IL1RAPL1: variants seen among roughly 807,000 people sequenced by gnomAD.
IL1RAPL1 encodes interleukin-1 receptor accessory protein-like 1.
A neutral mutation model predicts 48.4 loss-of-function variants in IL1RAPL1; 3 were observed. The ratio of observed to expected loss-of-function variants is 0.06; its 90% CI spans 0.03 to 0.16. The LOEUF (loss-of-function observed/expected upper bound fraction) is 0.16, where lower values mean the gene tolerates loss of function less well. Ranked by LOEUF, IL1RAPL1 falls within the 10% of genes least tolerant of loss-of-function variation. The probability of loss-of-function intolerance (pLI) is 1.00; values close to 1 mark genes in which losing one functional copy is unlikely to be tolerated. For synonymous variants in IL1RAPL1, 185 were observed against 187.7 expected, an observed-to-expected ratio of 0.99 and a Z score of 0.12; for missense variants, 349 against 530.6, an observed-to-expected ratio of 0.66 and a Z score of 3.36.
chrX:28,805,890 G>A (rs184142759), intron 2 of IL1RAPL1, among the ~76,000 whole-genome samples: 1 of 107,636 alleles, frequency 9.3e-6, no homozygotes, highest in Admixed American at 1.0e-4. Flanking sequence ...TTTTGTAATC[G>A]CTATGCTTAA....
chrX:29,340,890 C>T (rs1423239786), intron 3 of IL1RAPL1, among the ~76,000 whole-genome samples: 2 of 111,924 alleles, frequency 1.8e-5, no homozygotes, highest in Non-Finnish European at 3.8e-5. Flanking sequence ...GAGAAATGAA[C>T]ATCTAGTGCC....
At chrX:29,295,282 C>G (rs1195439307) in intron 3 of IL1RAPL1, among the ~76,000 whole-genome samples, 1 of 111,802 alleles carries the variant, frequency 8.9e-6, no homozygotes, top group Non-Finnish European at 1.9e-5. Context: ...AACTCAAGCT[C>G]TGAGAAATAA....
At chrX:29,776,245 T>C (rs759395456) in intron 6 of IL1RAPL1, among the ~76,000 whole-genome samples, 14 of 111,621 alleles carry the variant, frequency 1.3e-4, no homozygotes, top group Non-Finnish European at 1.9e-4. Context: ...TCTTGCCACA[T>C]GCACCTCCTT....
chrX:29,387,996 A>G lies in IL1RAPL1; in HGVS notation c.363-8262A>G, dbSNP rs190824120. ...CGAAAGAGCAAGACTCTGTCTGAAA[A>G]AAAAAAAAGAAAAAAAGAAATATGC... On this transcript the variant is annotated intron_variant, in intron 3 of 10. Coordinates refer to ENST00000378993, the MANE Select transcript of IL1RAPL1 (RefSeq NM_014271.4). 6.2e-3 allele frequency among the ~76,000 whole-genome samples: 671 copies of G among 108,897 alleles called. 6 individuals are homozygous for G. Among genetic ancestry groups the G allele is most frequent in the African/African-American group, 0.021 (643 of 29,911 alleles). The allele number at this position is 108,897 out of a possible 115,157, so 94.6% of individuals were successfully genotyped here.
At chrX:29,834,553 A>G (rs1930953437) in intron 6 of IL1RAPL1, among the ~76,000 whole-genome samples, 1 of 105,397 alleles carries the variant, frequency 9.5e-6, no homozygotes, top group Non-Finnish European at 2.0e-5. Context: ...CTAGTGGGAC[A>G]AAGTGGAATA....
Position 29,104,121 on chromosome X carries a change from G to T in IL1RAPL1, c.83-178817G>T, listed in dbSNP as rs1928400051. 2.7e-5 allele frequency among the ~76,000 whole-genome samples: 3 copies of T among 111,802 alleles called. No homozygotes were observed. The South Asian group carries it at 1.1e-3, about 42-fold the overall frequency. On this transcript the variant is annotated intron_variant, in intron 2 of 10. Coordinates refer to ENST00000378993, the MANE Select transcript of IL1RAPL1 (RefSeq NM_014271.4). ...TATGATCTTGCCAGCCCCCTGCAAG[G>T]TATATACCCAAAAGAAAGGAAATCA...
intron 5 of IL1RAPL1, among the ~76,000 whole-genome samples, chrX:29,501,846 T>A (rs1228435065): frequency 9.1e-6 from 1 of 109,610 alleles, no homozygotes; most frequent in Non-Finnish European, 1.9e-5. Context: ...TTTTTTCTAT[T>A]TCTGTGAAGA....
chrX:29,366,716 C>G (rs183600826), intron 3 of IL1RAPL1, among the ~76,000 whole-genome samples: 1 of 107,518 alleles, frequency 9.3e-6, no homozygotes, highest in Non-Finnish European at 1.9e-5. Context: ...CTACAGGTAC[C>G]CGGCACCACG....
chrX:29,297,760 T>G (rs1488373246), intron 3 of IL1RAPL1, among the ~76,000 whole-genome samples: 1 of 112,486 alleles, frequency 8.9e-6, no homozygotes, highest in Non-Finnish European at 1.9e-5. Context: ...TAAAAAATAA[T>G]TTATTAAAAA....
chrX:29,815,391 G>A (rs1930470393), intron 6 of IL1RAPL1, among the ~76,000 whole-genome samples: 1 of 111,021 alleles, frequency 9.0e-6, no homozygotes, highest in Admixed American at 9.6e-5. Context: ...GAATGCTATT[G>A]GTATATAGAA....
intron 6 of IL1RAPL1, among the ~76,000 whole-genome samples, chrX:29,835,898 T>TTTTTC (rs751809384): frequency 3.0e-5 from 3 of 101,625 alleles, no homozygotes; most frequent in Admixed American, 1.0e-4. Context: ...TTTTTTTTTT[T>TTTTTC]AGTTAGTTAG....
chrX:28,713,547 A>G (rs1935466106), intron 1 of IL1RAPL1, among the ~76,000 whole-genome samples: 1 of 111,308 alleles, frequency 9.0e-6, no homozygotes, highest in Non-Finnish European at 1.9e-5. Flanking sequence ...AAAGTCTTAT[A>G]TATGATGGGT....
chrX:28,876,823 T>C (rs1208997563), intron 2 of IL1RAPL1, among the ~76,000 whole-genome samples: 1 of 111,682 alleles, frequency 9.0e-6, no homozygotes, highest in African/African-American at 3.2e-5. Context: ...AAGATTTGTG[T>C]TAATTATTCT....
At chrX:28,684,403 C>G (rs1935091491) in intron 1 of IL1RAPL1, among the ~76,000 whole-genome samples, 1 of 111,706 alleles carries the variant, frequency 9.0e-6, no homozygotes, top group Admixed American at 9.5e-5. Context: ...AACTTAATTC[C>G]TTGAGACTTT....
chrX:28,951,276 A>T (rs1473299780), intron 2 of IL1RAPL1, among the ~76,000 whole-genome samples: 2 of 110,290 alleles, frequency 1.8e-5, no homozygotes, highest in Admixed American at 9.7e-5. Flanking sequence ...GTATAAAAAA[A>T]AATGTTCAAG....
chrX:29,517,464 C>G (rs1034229931), intron 5 of IL1RAPL1, among the ~76,000 whole-genome samples: 2 of 111,266 alleles, frequency 1.8e-5, no homozygotes, highest in Non-Finnish European at 3.8e-5. Context: ...GAAAACACTT[C>G]TACTTCACTG....
rs140217059 is a variant in IL1RAPL1, at chrX:29,684,586, G to A, written c.778+16082G>A. Among the ~76,000 whole-genome samples, 1,062 of 111,088 alleles carry A rather than the reference G, an allele frequency of 9.6e-3. 41 individuals carry two copies. The East Asian group carries it at 0.14, about 15-fold the overall frequency. ...CTTGAATCTGCTTCTGTTCATCTTT[G>A]CCTCCTATTTTCTCATTCCCATTTT... On this transcript the variant is annotated intron_variant, in intron 6 of 10. Transcript: ENST00000378993.
chrX:29,564,775 T>C (rs756927555), intron 5 of IL1RAPL1, among the ~76,000 whole-genome samples: 14 of 113,058 alleles, frequency 1.2e-4, no homozygotes, highest in Non-Finnish European at 2.4e-4. Flanking sequence ...TTTCCTATTG[T>C]TGTTGTTATA....
At chrX:29,491,819 A>G (rs1463496603) in intron 5 of IL1RAPL1, among the ~76,000 whole-genome samples, 1 of 111,176 alleles carries the variant, frequency 9.0e-6, no homozygotes, top group African/African-American at 3.3e-5. Flanking sequence ...CATTCTAGAT[A>G]AGTCTGTATC....
Sources: allele counts gnomAD v4.1 joint callset (sites outside exome capture counted in the v4.1 genomes callset), GRCh38; gene constraint gnomAD v4.1.1; transcripts MANE v1.5; gene names NCBI Gene and HGNC (gene_info 2026-07-23, HGNC 2026-07-21).